The following CNTN1 variants were observed in gnomAD, a reference collection of about 807,000 sequenced individuals.
The protein encoded by CNTN1 is contactin-1.
CNTN1 carries 38 observed loss-of-function variants against 126.4 expected under a neutral mutation model. That is an observed-to-expected ratio of 0.30 (90% CI 0.23 to 0.39). The LOEUF is 0.39. Among genes scored for constraint, CNTN1 ranks in the 10% least tolerant of loss-of-function variants. The pLI is 1.00. For missense variants in CNTN1, 1,009 were observed against 1,248.4 expected (o/e 0.81, Z 2.89); for synonymous variants, 413 against 422.6 (o/e 0.98, Z 0.28).
intron 15 of CNTN1, among the ~76,000 whole-genome samples, chr12:40,968,498 C>G (rs530607004): frequency 6.6e-6 from 1 of 151,950 alleles, no homozygotes; most frequent in Non-Finnish European, 1.5e-5. Context: ...TTATAATGTG[C>G]TCTTTGGCCT....
At chr12:40,867,543 A>T (rs1206720007) in intron 1 of CNTN1, among the ~76,000 whole-genome samples, 1 of 152,216 alleles carries the variant, frequency 6.6e-6, no homozygotes, top group Admixed American at 6.5e-5. Flanking sequence ...GCATATATTA[A>T]TTAGCTCAGT....
At chr12:40,844,408 A>G (rs1942424043) in intron 1 of CNTN1, among the ~76,000 whole-genome samples, 1 of 152,060 alleles carries the variant, frequency 6.6e-6, no homozygotes, top group African/African-American at 2.4e-5. Flanking sequence ...AAAATCACAA[A>G]TATTGTTTTT....
rs1460629918 is a variant in CNTN1, at chr12:40,885,259, T to C, written c.-76-23098T>C. On this transcript the variant is annotated intron_variant, in intron 1 of 23. Coordinates refer to ENST00000551295, the MANE Select transcript of CNTN1 (RefSeq NM_001843.4). ...TAAAATGGACACAAAGAAGAACCTA[T>C]ATGAAGGTTTTTGTGAGGGGTGAGA... Among the ~76,000 whole-genome samples, 5 of 151,982 alleles carry C rather than the reference T, an allele frequency of 3.3e-5. No homozygotes were observed. In the East Asian group the frequency reaches 5.8e-4, roughly 18 times the overall value.
intron 1 of CNTN1, among the ~76,000 whole-genome samples, chr12:40,903,082 G>T (rs1269713903): frequency 6.6e-6 from 1 of 152,226 alleles, no homozygotes; most frequent in Non-Finnish European, 1.5e-5. Context: ...AGAACAGAAG[G>T]TGAATTCTCC....
intron 1 of CNTN1, among the ~76,000 whole-genome samples, chr12:40,808,363 G>A (rs550190167): frequency 6.6e-6 from 1 of 152,082 alleles, no homozygotes; most frequent in African/African-American, 2.4e-5. Flanking sequence ...TGCTGATTTT[G>A]GTCATATAAA....
Position 40,721,545 on chromosome 12 carries a change from A to AATT in CNTN1, c.-77+28974_-77+28976dup, listed in dbSNP as rs150431424. ...CTGCTGAATTGGGACATCTTACATT[A>AATT]ATTATTATTATTATTATTATTATAC... On this transcript the variant is annotated intron_variant, in intron 1 of 23. Coordinates refer to ENST00000551295, the MANE Select transcript of CNTN1 (RefSeq NM_001843.4). 2.1e-3 allele frequency among the ~76,000 whole-genome samples: 313 copies of AATT among 150,300 alleles called. 2 individuals carry two copies. Among genetic ancestry groups the AATT allele is most frequent in the African/African-American group, 3.4e-3 (140 of 41,036 alleles).
chr12:40,864,928 A>C (rs1312831865), intron 1 of CNTN1, among the ~76,000 whole-genome samples: 1 of 150,304 alleles, frequency 6.7e-6, no homozygotes, highest in Non-Finnish European at 1.5e-5. Flanking sequence ...TGTTTTCCAA[A>C]GTAACAGCAC....
chr12:41,064,615 G>A (rs147229993), intron 23 of CNTN1, among the ~76,000 whole-genome samples: 1 of 152,220 alleles, frequency 6.6e-6, no homozygotes, highest in East Asian at 1.9e-4. Flanking sequence ...ATAGAGTTGC[G>A]GGAAGTACAG....
intron 15 of CNTN1, chr12:40,979,045 C>T (rs1037980543): frequency 2.0e-5 from 3 of 152,112 alleles, no homozygotes; most frequent in Non-Finnish European, 4.4e-5. Context: ...AGAATGTACA[C>T]TGTATTTCAA....
intron 1 of CNTN1, among the ~76,000 whole-genome samples, chr12:40,844,546 A>AT (rs1942429733): frequency 6.6e-6 from 1 of 152,178 alleles, no homozygotes; most frequent in South Asian, 2.1e-4. Context: ...TGAAAAAAAT[A>AT]TTTTTGGTAA....
chr12:40,835,135 A>G (rs1420222515), intron 1 of CNTN1, among the ~76,000 whole-genome samples: 6 of 152,220 alleles, frequency 3.9e-5, no homozygotes, highest in Non-Finnish European at 8.8e-5. Context: ...TCTATTAAAA[A>G]TGATAATAGC....
chr12:40,969,457 T>C (rs1471071134), intron 15 of CNTN1, among the ~76,000 whole-genome samples: 1 of 152,158 alleles, frequency 6.6e-6, no homozygotes, highest in Non-Finnish European at 1.5e-5. Flanking sequence ...CAACTGACGC[T>C]TAGCTAGGAT....
At chr12:40,973,781 G>A (rs1490921916) in intron 15 of CNTN1, among the ~76,000 whole-genome samples, 1 of 152,114 alleles carries the variant, frequency 6.6e-6, no homozygotes, top group Admixed American at 6.6e-5. Context: ...GAGCAGGTTA[G>A]GGCTACTATC....
In CNTN1 at chr12:40,700,293, C is replaced by T. The variant is rs952693605; in HGVS notation, c.-77+7701C>T. ...CTGTAATCCCAGCACTTTGGGAGGA[C>T]GAGGCGGGCAGATCATGAGGTCAGG... On this transcript the variant is annotated intron_variant, in intron 1 of 23. Transcript: ENST00000551295. Among the ~76,000 whole-genome samples the T allele has an allele frequency of 1.6e-4, 24 of 152,004 alleles. 1 individual carries two copies. In the South Asian group the frequency reaches 2.5e-3, roughly 16 times the overall value.
At chr12:41,040,063 A>T (rs948601438) in intron 23 of CNTN1, among the ~76,000 whole-genome samples, 32 of 152,086 alleles carry the variant, frequency 2.1e-4, no homozygotes, top group African/African-American at 7.5e-4. Flanking sequence ...TGGTTGAAAG[A>T]TTCTGCAGAT....
At chr12:40,700,962 G>A (rs1941579725) in intron 1 of CNTN1, among the ~76,000 whole-genome samples, 1 of 152,186 alleles carries the variant, frequency 6.6e-6, no homozygotes, top group African/African-American at 2.4e-5. Context: ...GATCAGGGAA[G>A]TTAGTTATTA....
chr12:41,016,253 A>G (rs1948777641), intron 18 of CNTN1, among the ~76,000 whole-genome samples: 1 of 152,236 alleles, frequency 6.6e-6, no homozygotes, highest in Non-Finnish European at 1.5e-5. Flanking sequence ...AGTAAACTGT[A>G]TAGACTTTGT....
chr12:40,913,756 T>G (rs1171796549), intron 3 of CNTN1, among the ~76,000 whole-genome samples: 3 of 152,202 alleles, frequency 2.0e-5, no homozygotes, highest in African/African-American at 7.2e-5. Flanking sequence ...ACTAATTATA[T>G]TAATGGCGAA....
At chr12:40,803,918 T>G (rs1045500825) in intron 1 of CNTN1, among the ~76,000 whole-genome samples, 2 of 151,934 alleles carry the variant, frequency 1.3e-5, no homozygotes, top group Non-Finnish European at 1.5e-5. Flanking sequence ...AAGCTGATCT[T>G]AATACCTGAT....
Sources: gnomAD v4.1 joint callset for allele counts (sites outside exome capture counted in the v4.1 genomes callset) on GRCh38, gnomAD v4.1.1 for gene constraint, MANE v1.5 for transcripts, NCBI Gene and HGNC (gene_info 2026-07-23, HGNC 2026-07-21) for gene names.